Variants in MEGF10 observed in about 807,000 individuals in gnomAD.
The protein encoded by MEGF10 is multiple EGF like domains 10.
In MEGF10, 86 loss-of-function variants were observed where a neutral mutation model predicts 147.5. The observed-to-expected ratio is 0.58, with a 90% confidence interval of 0.49 to 0.70. The LOEUF (loss-of-function observed/expected upper bound fraction) is 0.70. Ranked by LOEUF, MEGF10 falls within the 30% of genes least tolerant of loss-of-function variation. MEGF10 has a pLI of 0.00. For synonymous variants in MEGF10, 478 were observed against 525.5 expected (o/e 0.91, Z 1.24); for missense variants, 1,329 against 1,487.3 (o/e 0.89, Z 1.75).
intron 4 of MEGF10, among the ~76,000 whole-genome samples, chr5:127,367,989 C>A (rs969607775): frequency 6.6e-6 from 1 of 152,150 alleles, no homozygotes; most frequent in Admixed American, 6.5e-5. Flanking sequence ...GTTGAACTTC[C>A]CACACTCAAG....
chr5:127,447,465 C>A (rs1458006317), intron 20 of MEGF10, 92 bp from the exon 21 acceptor site: 7 of 1,562,004 alleles, frequency 4.5e-6, no homozygotes, highest in Non-Finnish European at 6.1e-6. Context: ...GCGTGAGCCA[C>A]CTCGCTGGGC....
At chr5:127,232,849 G>A in the MEGF10 span, among the ~76,000 whole-genome samples, 5 of 152,008 alleles carry the variant, frequency 3.3e-5, no homozygotes, top group African/African-American at 1.2e-4. Context: ...TAGGATTCAA[G>A]CAGAGGAAGA....
intron 2 of MEGF10, among the ~76,000 whole-genome samples, chr5:127,332,314 A>C (rs1316973315): frequency 6.6e-6 from 1 of 152,222 alleles, no homozygotes; most frequent in Non-Finnish European, 1.5e-5. Flanking sequence ...CAAAGAGAAG[A>C]TGTTAAGTAC....
chr5:127,286,547 G>C (rs1390927172), upstream of MEGF10, among the ~76,000 whole-genome samples: 6 of 151,708 alleles, frequency 4.0e-5, no homozygotes, highest in Admixed American at 3.9e-4. Context: ...TATATAAACA[G>C]GTTATCAAAA....
intron 5 of MEGF10, among the ~76,000 whole-genome samples, chr5:127,372,390 C>A (rs1253949091): frequency 6.6e-6 from 1 of 152,186 alleles, no homozygotes; most frequent in African/African-American, 2.4e-5. Context: ...CCAGTCTCCC[C>A]CATTGTTAAC....
At chr5:127,259,022 A>G in the MEGF10 span, among the ~76,000 whole-genome samples, 1 of 152,150 alleles carries the variant, frequency 6.6e-6, no homozygotes, top group Admixed American at 6.5e-5. Flanking sequence ...ATACAGTAAG[A>G]CTTCTGATCT....
chr5:127,454,277 G>T (rs1015933165), intron 22 of MEGF10, among the ~76,000 whole-genome samples: 5 of 152,182 alleles, frequency 3.3e-5, no homozygotes, highest in African/African-American at 1.2e-4. Flanking sequence ...TTTTCACTGT[G>T]CAACCTTGAA....
the MEGF10 span, among the ~76,000 whole-genome samples, chr5:127,265,325 G>A: frequency 6.6e-6 from 1 of 152,136 alleles, no homozygotes; most frequent in Non-Finnish European, 1.5e-5. Flanking sequence ...ATCATTGATG[G>A]ACATTTTGGT....
intron 1 of MEGF10, among the ~76,000 whole-genome samples, chr5:127,314,775 G>A (rs1293776525): frequency 3.3e-5 from 5 of 152,116 alleles, no homozygotes; most frequent in Non-Finnish European, 7.4e-5. Flanking sequence ...CTTCAATTGA[G>A]ATATTCTTCA....
intron 6 of MEGF10, 98 bp downstream of exon 6, chr5:127,396,876 C>T: frequency 6.6e-7 from 1 of 1,524,092 alleles, no homozygotes; most frequent in South Asian, 1.3e-5. Flanking sequence ...GTTTGCATTG[C>T]TGCCTGAAGA....
intron 1 of MEGF10, among the ~76,000 whole-genome samples, chr5:127,301,452 A>G (rs1759768372): frequency 1.3e-5 from 2 of 152,066 alleles, no homozygotes; most frequent in African/African-American, 2.4e-5. Context: ...CAGCACATCT[A>G]TGAGAGGTCT....
chr5:127,356,191 G>A (rs1762275664), intron 4 of MEGF10, among the ~76,000 whole-genome samples: 1 of 152,240 alleles, frequency 6.6e-6, no homozygotes, highest in Admixed American at 6.5e-5. Context: ...GAACTTGCAT[G>A]TTTTTAGTCT....
intron 4 of MEGF10, among the ~76,000 whole-genome samples, chr5:127,355,771 A>T (rs1400495679): frequency 6.6e-6 from 1 of 152,228 alleles, no homozygotes; most frequent in Non-Finnish European, 1.5e-5. Context: ...ATAGAAACTA[A>T]GAATTTAATT....
the MEGF10 span, among the ~76,000 whole-genome samples, chr5:127,235,407 C>T: frequency 6.4e-4 from 97 of 152,314 alleles, no homozygotes; most frequent in African/African-American, 2.2e-3. Flanking sequence ...TGATGTTTAA[C>T]GTTTTGTCCA....
At chr5:127,257,595 C>T in the MEGF10 span, among the ~76,000 whole-genome samples, 3 of 152,096 alleles carry the variant, frequency 2.0e-5, no homozygotes, top group Admixed American at 6.6e-5. Context: ...TCAATTTAGA[C>T]GTTTATTTTG....
chr5:127,279,374 T>C, the MEGF10 span, among the ~76,000 whole-genome samples: 1 of 152,202 alleles, frequency 6.6e-6, no homozygotes, highest in South Asian at 2.1e-4. Flanking sequence ...GTGGCAATAG[T>C]AGTGAGTAGC....
intron 1 of MEGF10, among the ~76,000 whole-genome samples, chr5:127,317,151 TTTAA>T (rs1322647588): frequency 6.6e-6 from 1 of 152,198 alleles, no homozygotes; most frequent in African/African-American, 2.4e-5. Flanking sequence ...CTCAAAAGCT[TTTAA>T]GAAGGGGAGT....
the MEGF10 span, among the ~76,000 whole-genome samples, chr5:127,281,753 G>T: frequency 6.6e-6 from 1 of 152,204 alleles, no homozygotes; most frequent in Non-Finnish European, 1.5e-5. Context: ...CAGGGCATGG[G>T]CAGGCTCTTC....
intron 5 of MEGF10, among the ~76,000 whole-genome samples, chr5:127,387,488 A>T (rs543456249): frequency 6.6e-6 from 1 of 152,326 alleles, no homozygotes; most frequent in African/African-American, 2.4e-5. Flanking sequence ...AACAGTTGTG[A>T]GACATTTGTT....
Sources: gnomAD v4.1 joint callset for allele counts (sites outside exome capture counted in the v4.1 genomes callset) on GRCh38, gnomAD v4.1.1 for gene constraint, MANE v1.5 for transcripts, NCBI Gene and HGNC (gene_info 2026-07-23, HGNC 2026-07-21) for gene names.